The following ARHGEF10L variants were observed in gnomAD, a reference collection of about 807,000 sequenced individuals.
ARHGEF10L encodes rho guanine nucleotide exchange factor 10-like protein.
ARHGEF10L carries 69 observed loss-of-function variants against 141.2 expected under a neutral mutation model. That is an observed-to-expected ratio of 0.49 (90% CI 0.40 to 0.60). ARHGEF10L has a LOEUF of 0.60. Ranked by LOEUF, ARHGEF10L falls within the 20% of genes least tolerant of loss-of-function variation. ARHGEF10L has a pLI of 0.00. For synonymous variants in ARHGEF10L, 711 were observed against 718.5 expected (o/e 0.99, Z 0.17); for missense variants, 1,482 against 1,734.3 (o/e 0.85, Z 2.58).
chr1:17,551,545 C>T (rs1380474561), intron 1 of ARHGEF10L, among the ~76,000 whole-genome samples: 1 of 152,114 alleles, frequency 6.6e-6, no homozygotes, highest in Admixed American at 6.5e-5. Flanking sequence ...ATCTTGTGGG[C>T]CCTGCGAGCC....
At chr1:17,622,351 CCT>C (rs531481239) in intron 11 of ARHGEF10L, among the ~76,000 whole-genome samples, 1 of 152,126 alleles carries the variant, frequency 6.6e-6, no homozygotes, top group South Asian at 2.1e-4. Context: ...AGGATCGAGT[CCT>C]CTTTTTTGCA....
Position 17,560,895 on chromosome 1 carries a change from G to A in ARHGEF10L, c.-43-19658G>A, listed in dbSNP as rs1570471179. ...GCATCTCTTGAAGACCTGCCAGGAG[G>A]CACTGTGGGGACACCCAGGGAGGAG... is the stretch of plus-strand genomic sequence containing the variant. On this transcript the variant is annotated intron_variant, in intron 1 of 28. Coordinates refer to ENST00000361221, the MANE Select transcript of ARHGEF10L (RefSeq NM_018125.4). Among the ~76,000 whole-genome samples the A allele has an allele frequency of 2.6e-5, 4 of 152,340 alleles. No homozygotes were observed. The South Asian group carries it at 6.2e-4, about 24-fold the overall frequency.
At chr1:17,660,348 G>T (rs1220304453) in intron 25 of ARHGEF10L, among the ~76,000 whole-genome samples, 1 of 152,178 alleles carries the variant, frequency 6.6e-6, no homozygotes, top group Non-Finnish European at 1.5e-5. Flanking sequence ...GAGAGCTTGG[G>T]CCTTTCCTTT....
chr1:17,683,144 G>A (rs1412966742), intron 26 of ARHGEF10L, among the ~76,000 whole-genome samples: 4 of 83,904 alleles, frequency 4.8e-5, no homozygotes, highest in East Asian at 7.5e-4. Context: ...TGCTCTCACC[G>A]CGGTGCTCAC....
At chr1:17,676,162 A>G (rs369711849) in intron 26 of ARHGEF10L, among the ~76,000 whole-genome samples, 44 of 140,776 alleles carry the variant, frequency 3.1e-4, no homozygotes, top group African/African-American at 1.1e-3. Flanking sequence ...GTGTAGGTGC[A>G]GGCGTGGGTG....
chr1:17,637,843 G>A, intron 18 of ARHGEF10L, 45 bp from the exon 19 acceptor site: 1 of 1,519,478 alleles, frequency 6.6e-7, no homozygotes, highest in Non-Finnish European at 8.9e-7. Flanking sequence ...TTGGCTTCTT[G>A]TTAGCGCCTT....
Position 17,687,648 on chromosome 1 carries a change from G to A in ARHGEF10L, c.3085G>A (p.Ala1029Thr), listed in dbSNP as rs2064724368. ...GAAGGCGGGCAGCGGCGTCTGGATG[G>A]CCTTCTCCTCCGGCACCTCCATCCG... Reference protein sequence around the residue: ...MVKAGSGVWMAFSSGTSIRLF... With the variant: ...MVKAGSGVWMTFSSGTSIRLF... The change falls in exon 27 of 29, where the codon GCC becomes ACC. Residue 1029 changes from alanine to threonine, a missense_variant. Transcript: ENST00000361221. 8 of 1,612,832 alleles carry A rather than the reference G, an allele frequency of 5.0e-6. No individual in the cohort carries two copies. Among genetic ancestry groups the A allele is most frequent in the Non-Finnish European group, 6.8e-6 (8 of 1,179,834 alleles).
At chr1:17,522,821 A>T in the ARHGEF10L span, among the ~76,000 whole-genome samples, 17 of 151,988 alleles carry the variant, frequency 1.1e-4, no homozygotes, top group Admixed American at 1.1e-3. Flanking sequence ...AGGGTCCCTG[A>T]TATCTTCTTC....
At position 17,637,985 on chromosome 1, in the gene ARHGEF10L, G is replaced by A. The variant is rs533488911; in HGVS notation, c.2025G>A (p.Thr675=). The change falls in exon 19 of 29, where the codon ACG becomes ACA. Residue 675 remains threonine, a synonymous_variant. Transcript: ENST00000361221. ...AGCAGATCACGCTTCTCATCAGCAC[G>A]CTGCACGGCACCTACCAGGTACGTG... The part of the protein sequence containing the change: ...VVEQITLLIS[T]LHGTYQNLNM... 7.5e-6 allele frequency: 12 copies of A among 1,591,792 alleles called. No homozygotes were observed. In the Admixed American group the frequency reaches 1.4e-4, roughly 19 times the overall value.
intron 1 of ARHGEF10L, among the ~76,000 whole-genome samples, chr1:17,550,571 G>T (rs1209033574): frequency 6.6e-6 from 1 of 151,992 alleles, no homozygotes; most frequent in Non-Finnish European, 1.5e-5. Flanking sequence ...GAACCCAGGA[G>T]GGTGGAGGTT....
chr1:17,641,747 G>A (rs2061339178), intron 21 of ARHGEF10L, among the ~76,000 whole-genome samples: 1 of 152,084 alleles, frequency 6.6e-6, no homozygotes, highest in African/African-American at 2.4e-5. Context: ...GGGAGGCCGA[G>A]GCGGGCAGAT....
chr1:17,513,903 C>T, the ARHGEF10L span, among the ~76,000 whole-genome samples: 4 of 152,226 alleles, frequency 2.6e-5, no homozygotes, highest in East Asian at 7.7e-4. Flanking sequence ...CAGCTCACTG[C>T]AACCTCCGCC....
intron 26 of ARHGEF10L, among the ~76,000 whole-genome samples, chr1:17,686,046 CA>C (rs1165309477): frequency 3.9e-5 from 6 of 152,084 alleles, no homozygotes; most frequent in Middle Eastern, 6.8e-3. Context: ...CTTCTTCCCC[CA>C]GCTTTTGGTG....
chr1:17,589,008 G>A (rs1322409452), intron 4 of ARHGEF10L, among the ~76,000 whole-genome samples: 1 of 151,984 alleles, frequency 6.6e-6, no homozygotes, highest in Non-Finnish European at 1.5e-5. Context: ...TATGACAGTT[G>A]CTATTAGGGA....
chr1:17,539,682 G>A (rs1489996472), upstream of ARHGEF10L, among the ~76,000 whole-genome samples: 1 of 146,940 alleles, frequency 6.8e-6, no homozygotes, highest in African/African-American at 2.4e-5. This position sits in a 1 kb window ranked among gnomAD's most constrained non-coding sequence, Gnocchi z 6.0. Context: ...GGGACCGGGC[G>A]GGCGGGGGCG....
chr1:17,682,752 G>A (rs1001643317), intron 26 of ARHGEF10L, among the ~76,000 whole-genome samples: 2 of 152,086 alleles, frequency 1.3e-5, no homozygotes, highest in Non-Finnish European at 2.9e-5. Context: ...GTGGGCAGGT[G>A]GCCTTTTTCA....
chr1:17,669,401 A>G lies in ARHGEF10L; in HGVS notation c.3009+4806A>G, dbSNP rs574216518. ...CAGAAATGAGTTTTGCGCTTTACCTATAGGATCTCATTTAATCCTCAAATC... is the reference window on the plus strand; with the variant it reads ...CAGAAATGAGTTTTGCGCTTTACCTGTAGGATCTCATTTAATCCTCAAATC... On this transcript the variant is annotated intron_variant, in intron 26 of 28. Coordinates refer to ENST00000361221, the MANE Select transcript of ARHGEF10L (RefSeq NM_018125.4). 3.9e-5 allele frequency among the ~76,000 whole-genome samples: 6 copies of G among 152,294 alleles called. No homozygotes were observed. The South Asian group carries it at 1.2e-3, about 32-fold the overall frequency.
chr1:17,623,290 T>C lies in ARHGEF10L; in HGVS notation c.1200+115T>C. 1 of 1,307,348 alleles carries C rather than the reference T, an allele frequency of 7.6e-7. No homozygotes were observed. The highest frequency in any genetic ancestry group is 1.1e-6 in the Non-Finnish European group (1 of 950,708). The allele number at this position is 1,307,348 out of a possible 1,614,324, so 81.0% of individuals were successfully genotyped here. ...TGCCTGCTTGCCTTGTTCAAGTCAG[T>C]GGGATTAGAGGGTGGCAGGGTCTTC... is the stretch of plus-strand genomic sequence containing the variant. On this transcript the variant is annotated intron_variant, in intron 12 of 28. Coordinates refer to ENST00000361221, the MANE Select transcript of ARHGEF10L (RefSeq NM_018125.4). The surrounding 1 kb of genome is among the most constrained non-coding windows in gnomAD (Gnocchi z 4.7).
rs2060436906 is a variant in ARHGEF10L at position 17,627,233 on chromosome 1, C to T, written c.1411-97C>T. On this transcript the variant is annotated intron_variant, in intron 14 of 28. Coordinates refer to ENST00000361221, the MANE Select transcript of ARHGEF10L (RefSeq NM_018125.4). This position sits in a 1 kb window ranked among gnomAD's most constrained non-coding sequence, Gnocchi z 4.0. ...CCTCAGGCCGGGCCCTTTGCAGACC[C>T]AGTGTGTGTAGGGGGTTGCGCAGGG... is the stretch of plus-strand genomic sequence containing the variant. The T allele has an allele frequency of 4.8e-6, 7 of 1,464,474 alleles. No individual in the cohort carries two copies. Among genetic ancestry groups the T allele is most frequent in the Non-Finnish European group, 6.5e-6 (7 of 1,075,662 alleles). The allele number at this position is 1,464,474 out of a possible 1,614,324, so 90.7% of individuals were successfully genotyped here.
Sources: allele counts gnomAD v4.1 joint callset (sites outside exome capture counted in the v4.1 genomes callset), GRCh38; gene constraint gnomAD v4.1.1; non-coding constraint Gnocchi (gnomAD v3.1); transcripts MANE v1.5; gene names NCBI Gene and HGNC (gene_info 2026-07-23, HGNC 2026-07-21).